GFRAL: variants seen among roughly 807,000 people sequenced by gnomAD.
GFRAL encodes GDNF family receptor alpha-like.
GFRAL carries 36 observed loss-of-function variants against 45.4 expected under a neutral mutation model. The observed-to-expected ratio is 0.79, with a 90% CI of 0.61 to 1.05. The LOEUF (loss-of-function observed/expected upper bound fraction) is 1.05. Ranked by LOEUF, GFRAL falls within the 50% of genes least tolerant of loss-of-function variation. GFRAL has a pLI of 0.00. For synonymous variants in GFRAL, 166 were observed against 154.1 expected (o/e 1.08, Z -0.57); for missense variants, 507 against 467.5 (o/e 1.08, Z -0.78).
At chr6:55,338,557 A>G (rs1159517236) in intron 3 of GFRAL, among the ~76,000 whole-genome samples, 1 of 152,210 alleles carries the variant, frequency 6.6e-6, no homozygotes, top group African/African-American at 2.4e-5. Context: ...GATACAGTCT[A>G]CACACATAAT....
At chr6:55,338,295 G>T (rs1020199753) in intron 3 of GFRAL, among the ~76,000 whole-genome samples, 4 of 151,982 alleles carry the variant, frequency 2.6e-5, no homozygotes, top group Non-Finnish European at 5.9e-5. Context: ...TTGCCATGTT[G>T]TCCAGGCTGG....
intron 6 of GFRAL, among the ~76,000 whole-genome samples, chr6:55,376,963 G>T (rs936354667): frequency 1.3e-5 from 2 of 151,716 alleles, no homozygotes; most frequent in African/African-American, 4.8e-5. Flanking sequence ...AATGTTAGGG[G>T]ATCCTTATTT....
intron 6 of GFRAL, among the ~76,000 whole-genome samples, chr6:55,391,731 C>G (rs536120838): frequency 6.6e-6 from 1 of 152,146 alleles, no homozygotes; most frequent in African/African-American, 2.4e-5. Flanking sequence ...AAAGCAAGAA[C>G]TTATCTCAAT....
At chr6:55,371,317 G>T (rs952619724) in intron 6 of GFRAL, among the ~76,000 whole-genome samples, 22 of 152,108 alleles carry the variant, frequency 1.4e-4, no homozygotes, top group Admixed American at 1.0e-3. Context: ...TAGCAAAGTT[G>T]TTAAACACTC....
intron 6 of GFRAL, among the ~76,000 whole-genome samples, chr6:55,388,946 T>C (rs1419412917): frequency 2.0e-5 from 3 of 152,196 alleles, no homozygotes; most frequent in Non-Finnish European, 4.4e-5. Flanking sequence ...ATTAAGTATT[T>C]CATTTCCACT....
At chr6:55,393,929 G>A (rs1768788640) in intron 6 of GFRAL, among the ~76,000 whole-genome samples, 1 of 152,178 alleles carries the variant, frequency 6.6e-6, no homozygotes, top group African/African-American at 2.4e-5. Context: ...AAAAAGTTGA[G>A]ATTACTGGGG....
chr6:55,336,647 T>G (rs970659879), intron 3 of GFRAL, among the ~76,000 whole-genome samples: 14 of 152,230 alleles, frequency 9.2e-5, no homozygotes, highest in African/African-American at 2.9e-4. Context: ...TGCAGGAAAT[T>G]CTAAATAAAT....
At chr6:55,374,398 CAT>C (rs1296823877) in intron 6 of GFRAL, among the ~76,000 whole-genome samples, 1 of 152,054 alleles carries the variant, frequency 6.6e-6, no homozygotes, top group African/African-American at 2.4e-5. Flanking sequence ...AGCTTTTTTT[CAT>C]ATGTTTGTTG....
chr6:55,376,136 T>C (rs575046614), intron 6 of GFRAL, among the ~76,000 whole-genome samples: 1 of 152,272 alleles, frequency 6.6e-6, no homozygotes, highest in Non-Finnish European at 1.5e-5. Flanking sequence ...TTGTCTTTAG[T>C]TCTGTTTATG....
intron 5 of GFRAL, among the ~76,000 whole-genome samples, chr6:55,356,291 G>T (rs1276505925): frequency 6.6e-6 from 1 of 151,838 alleles, no homozygotes; most frequent in Non-Finnish European, 1.5e-5. Context: ...TAGTAGAATT[G>T]GTATTAGTTC....
intron 6 of GFRAL, among the ~76,000 whole-genome samples, chr6:55,388,800 T>G (rs1013403567): frequency 6.6e-6 from 1 of 152,208 alleles, no homozygotes; most frequent in African/African-American, 2.4e-5. Flanking sequence ...TTTTCTTCAG[T>G]TGGTAAAACT....
chr6:55,382,591 T>A (rs1000825071), intron 6 of GFRAL, among the ~76,000 whole-genome samples: 7 of 151,946 alleles, frequency 4.6e-5, no homozygotes, highest in African/African-American at 1.7e-4. Flanking sequence ...GCCTGACTCT[T>A]ACATTTTTGA....
chr6:55,349,640 A>T (rs1768088072), intron 3 of GFRAL, among the ~76,000 whole-genome samples: 1 of 152,228 alleles, frequency 6.6e-6, no homozygotes, highest in Admixed American at 6.5e-5. Context: ...GAACTCTTGG[A>T]GGATAAGATA....
intron 6 of GFRAL, among the ~76,000 whole-genome samples, chr6:55,395,827 T>A (rs573624482): frequency 2.2e-4 from 34 of 151,702 alleles, no homozygotes; most frequent in African/African-American, 8.0e-4. Context: ...CACCTCTCCA[T>A]AGCTCATTTG....
intron 6 of GFRAL, among the ~76,000 whole-genome samples, chr6:55,394,566 C>G (rs914113663): frequency 1.3e-5 from 2 of 152,056 alleles, no homozygotes; most frequent in African/African-American, 4.8e-5. Flanking sequence ...ATCAAGACAA[C>G]TATTTCAAGA....
rs1195214438 is a variant in GFRAL, at chr6:55,336,376, A to G, written c.316+2432A>G. Among the ~76,000 whole-genome samples the G allele has an allele frequency of 2.0e-5, 3 of 152,214 alleles. No homozygotes were observed. In the East Asian group the frequency reaches 5.8e-4, roughly 29 times the overall value. ...ATGTCGAGTGTTCAGATTTATTAACATGATATATTTCTTCATTTATTTATA... is the reference window on the plus strand; with the variant it reads ...ATGTCGAGTGTTCAGATTTATTAACGTGATATATTTCTTCATTTATTTATA... On this transcript the variant is annotated intron_variant, in intron 3 of 8. Transcript: ENST00000340465.
rs531069945 is a variant in GFRAL, at chr6:55,373,650, C to A, written c.952+14512C>A. Among the ~76,000 whole-genome samples the A allele has an allele frequency of 4.6e-5, 7 of 152,166 alleles. 2 individuals carry two copies. Among genetic ancestry groups the A allele is most frequent in the African/African-American group, 1.7e-4 (7 of 41,532 alleles). On this transcript the variant is annotated intron_variant, in intron 6 of 8. Coordinates refer to ENST00000340465, the MANE Select transcript of GFRAL (RefSeq NM_207410.2). ...CAATAGACTGTGTAATAAGGTAATA[C>A]TCTTAATCTGAGATTTGCTCCATCA...
intron 6 of GFRAL, among the ~76,000 whole-genome samples, chr6:55,391,986 G>A (rs951116285): frequency 3.9e-5 from 6 of 152,076 alleles, no homozygotes; most frequent in African/African-American, 1.4e-4. Context: ...TTCTGCTGTT[G>A]CTTTCTAGTT....
At chr6:55,391,919 C>A (rs1768759359) in intron 6 of GFRAL, among the ~76,000 whole-genome samples, 1 of 152,208 alleles carries the variant, frequency 6.6e-6, no homozygotes, top group African/African-American at 2.4e-5. Context: ...ACACTTCTCT[C>A]TTCTCGTCTC....
Sources: gnomAD v4.1 joint callset for allele counts (sites outside exome capture counted in the v4.1 genomes callset) on GRCh38, gnomAD v4.1.1 for gene constraint, MANE v1.5 for transcripts, NCBI Gene and HGNC (gene_info 2026-07-23, HGNC 2026-07-21) for gene names.